The following FRMD4B variants were observed in gnomAD, a reference collection of about 807,000 sequenced individuals.
FRMD4B encodes the protein FERM domain containing 4B, also known as FERM domain-containing protein 4B.
Under a neutral mutation model 141.5 loss-of-function variants are expected in FRMD4B, and 74 were observed. The ratio of observed to expected loss-of-function variants is 0.52; its 90% CI spans 0.43 to 0.63. FRMD4B has a LOEUF of 0.63. Ranked by LOEUF, FRMD4B falls within the 30% of genes least tolerant of loss-of-function variation. The pLI is 0.00. For synonymous variants in FRMD4B, 506 were observed against 467.9 expected, an observed-to-expected ratio of 1.08 and a Z score of -1.05; for missense variants, 1,366 against 1,253.4, an observed-to-expected ratio of 1.09 and a Z score of -1.36.
At chr3:69,274,665 C>T (rs1575681417) in intron 5 of FRMD4B, among the ~76,000 whole-genome samples, 1 of 152,104 alleles carries the variant, frequency 6.6e-6, no homozygotes, top group East Asian at 1.9e-4. Flanking sequence ...ACTACAGGTG[C>T]ATGCCACCAG....
intron 2 of FRMD4B, among the ~76,000 whole-genome samples, chr3:69,311,908 C>T (rs1701605588): frequency 2.0e-5 from 3 of 152,080 alleles, no homozygotes; most frequent in African/African-American, 7.2e-5. Context: ...TGAGGCAGGG[C>T]TTTTTATTTC....
intron 1 of FRMD4B, among the ~76,000 whole-genome samples, chr3:69,455,368 T>G (rs1028198350): frequency 6.6e-6 from 1 of 152,212 alleles, no homozygotes; most frequent in Non-Finnish European, 1.5e-5. Flanking sequence ...TGCACTGCCT[T>G]TATGAGCTGT....
chr3:69,356,551 C>T (rs1350177148), intron 1 of FRMD4B, among the ~76,000 whole-genome samples: 1 of 151,258 alleles, frequency 6.6e-6, no homozygotes, highest in Non-Finnish European at 1.5e-5. Flanking sequence ...TGAGTTAATA[C>T]TTAATAAACT....
At chr3:69,231,516 G>T (rs559937233) in intron 7 of FRMD4B, among the ~76,000 whole-genome samples, 6 of 152,230 alleles carry the variant, frequency 3.9e-5, no homozygotes, top group African/African-American at 1.2e-4. Flanking sequence ...TCGAACTCGT[G>T]ACCTCAGGTG....
chr3:69,221,574 C>G (rs72932156), intron 9 of FRMD4B, among the ~76,000 whole-genome samples: 3,744 of 152,284 alleles, frequency 0.025, 141 homozygotes, highest in African/African-American at 0.085. Context: ...AACCTTGCCT[C>G]TACTCAGGAT....
At chr3:69,520,208 T>C (rs1559552247) in intron 1 of FRMD4B, among the ~76,000 whole-genome samples, 1 of 70,864 alleles carries the variant, frequency 1.4e-5, no homozygotes, top group Non-Finnish European at 2.5e-5. Flanking sequence ...TATGATGGAA[T>C]ATATATATAT....
intron 7 of FRMD4B, among the ~76,000 whole-genome samples, chr3:69,248,802 G>A (rs1245357400): frequency 6.6e-6 from 1 of 152,268 alleles, no homozygotes; most frequent in Non-Finnish European, 1.5e-5. Flanking sequence ...CCCCTTCGGG[G>A]CAGCTGTGAA....
At chr3:69,370,953 C>CACTGAGGA (rs1270174842) in intron 1 of FRMD4B, among the ~76,000 whole-genome samples, 3 of 152,224 alleles carry the variant, frequency 2.0e-5, no homozygotes, top group African/African-American at 7.2e-5. Context: ...CTGTTCCAGG[C>CACTGAGGA]ACTGAGGATT....
intron 10 of FRMD4B, among the ~76,000 whole-genome samples, chr3:69,216,638 G>T (rs1326192892): frequency 2.6e-5 from 4 of 151,610 alleles, no homozygotes; most frequent in Admixed American, 2.6e-4. Flanking sequence ...CACTATGTTG[G>T]CTAGGATGGT....
chr3:69,379,367 C>T (rs1304613838), intron 1 of FRMD4B, among the ~76,000 whole-genome samples: 5 of 152,164 alleles, frequency 3.3e-5, no homozygotes, highest in Non-Finnish European at 7.3e-5. Context: ...CAGCTTTAGC[C>T]TCCCAGGTTC....
chr3:69,202,853 A>G (rs1446694121), intron 11 of FRMD4B, among the ~76,000 whole-genome samples: 1 of 126,462 alleles, frequency 7.9e-6, no homozygotes, highest in African/African-American at 3.0e-5. Context: ...AAAAGTAAAT[A>G]GAAAGATAAA....
At chr3:69,515,215 G>A (rs185285445) in intron 1 of FRMD4B, among the ~76,000 whole-genome samples, 23 of 152,222 alleles carry the variant, frequency 1.5e-4, no homozygotes, top group Admixed American at 1.3e-3. Flanking sequence ...TCACTATCAC[G>A]AGAACAGGAC....
chr3:69,347,008 A>C (rs963687903), intron 1 of FRMD4B, among the ~76,000 whole-genome samples: 4 of 152,222 alleles, frequency 2.6e-5, no homozygotes, highest in South Asian at 4.1e-4. Flanking sequence ...AAATGGGCTA[A>C]TTGCTCCAAT....
intron 11 of FRMD4B, among the ~76,000 whole-genome samples, chr3:69,206,896 C>T (rs796180379): frequency 2.3e-4 from 35 of 152,048 alleles, no homozygotes; most frequent in African/African-American, 7.7e-4. Context: ...GTACATGGCA[C>T]TCTATGGTTA....
chr3:69,373,450 C>T (rs1389639527), intron 1 of FRMD4B, among the ~76,000 whole-genome samples: 2 of 152,226 alleles, frequency 1.3e-5, no homozygotes, highest in African/African-American at 4.8e-5. Flanking sequence ...TAATTAACAA[C>T]TGTGAACAAT....
chr3:69,200,513 C>A, intron 11 of FRMD4B: 2 of 1,034,956 alleles, frequency 1.9e-6, no homozygotes, highest in African/African-American at 3.4e-5. Context: ...GAGTTCTGAA[C>A]TGAGTTTCAT....
At chr3:69,386,950 C>T (rs920124388), upstream of FRMD4B, among the ~76,000 whole-genome samples, 2 of 152,208 alleles carry the variant, frequency 1.3e-5, no homozygotes, top group Admixed American at 1.3e-4. Context: ...CACCTGCAAG[C>T]ACCAACCTGC....
chr3:69,211,324 C>T (rs1353477163), intron 11 of FRMD4B, among the ~76,000 whole-genome samples: 1 of 152,030 alleles, frequency 6.6e-6, no homozygotes, highest in African/African-American at 2.4e-5. Context: ...AAATAGACAC[C>T]AGGGGCAGAG....
At chr3:69,245,351 G>T (rs866495688) in intron 7 of FRMD4B, among the ~76,000 whole-genome samples, 3,154 of 139,506 alleles carry the variant, frequency 0.023, 114 homozygotes, top group African/African-American at 0.088. Context: ...GTGTGTGTGT[G>T]TGTTTTTAGA....
Sources: allele counts gnomAD v4.1 joint callset (sites outside exome capture counted in the v4.1 genomes callset), GRCh38; gene constraint gnomAD v4.1.1; transcripts MANE v1.5; gene names NCBI Gene and HGNC (gene_info 2026-07-23, HGNC 2026-07-21).